Variants in FBN1 observed in about 807,000 individuals in gnomAD.
FBN1 encodes the protein fibrillin-1.
Under a neutral mutation model 365.1 loss-of-function variants are expected in FBN1, and 29 were observed. The observed-to-expected ratio is 0.08, with a 90% CI of 0.06 to 0.11. FBN1 has a LOEUF of 0.11. FBN1 is among the 10% of genes least tolerant of loss of function. The probability of loss-of-function intolerance (pLI) is 1.00; values close to 1 mark genes in which losing one functional copy is unlikely to be tolerated. For missense variants in FBN1, 2,476 were observed against 3,703.2 expected, an observed-to-expected ratio of 0.67 and a Z score of 8.60; for synonymous variants, 1,210 against 1,270.5, an observed-to-expected ratio of 0.95 and a Z score of 1.01.
chr15:48,437,272 G>T, intron 52 of FBN1, 50 bp downstream of exon 52: 1 of 1,512,684 alleles, frequency 6.6e-7, no homozygotes, highest in Non-Finnish European at 9.2e-7. Flanking sequence ...TAGAGAAGAA[G>T]CAGATTGAGA....
intron 60 of FBN1, among the ~76,000 whole-genome samples, chr15:48,422,711 C>T (rs2042952883): frequency 6.6e-6 from 1 of 152,224 alleles, no homozygotes; most frequent in South Asian, 2.1e-4. Context: ...GTATTCCCAG[C>T]ACTTTGGGAG....
At position 48,610,485 on chromosome 15, in the gene FBN1, C is replaced by T. The variant is rs145949080; in HGVS notation, c.346+243G>A. 7.9e-4 allele frequency among the ~76,000 whole-genome samples: 120 copies of T among 152,188 alleles called. 1 individual carries two copies. Among genetic ancestry groups the T allele is most frequent in the African/African-American group, 2.9e-3 (119 of 41,524 alleles). ...ATAAGGCGATACCTACATAAAAGGC[C>T]ATAAGCTTTATACTATTCATAGTAA... On this transcript the variant is annotated intron_variant, in intron 4 of 65. Coordinates refer to ENST00000316623, the MANE Select transcript of FBN1 (RefSeq NM_000138.5).
At chr15:48,419,156 A>T (rs1597511708) in intron 63 of FBN1, among the ~76,000 whole-genome samples, 2 of 152,266 alleles carry the variant, frequency 1.3e-5, no homozygotes, top group Middle Eastern at 6.8e-3. Context: ...GATGAGAGCA[A>T]TTTGGCATTT....
chr15:48,555,901 C>CT (rs1482548926), intron 6 of FBN1, among the ~76,000 whole-genome samples: 1 of 152,146 alleles, frequency 6.6e-6, no homozygotes, highest in Non-Finnish European at 1.5e-5. Context: ...AATAAATAGG[C>CT]TTTTGCCTTC....
chr15:48,518,676 C>T (rs993483190), intron 10 of FBN1, among the ~76,000 whole-genome samples: 3 of 152,128 alleles, frequency 2.0e-5, no homozygotes, highest in South Asian at 2.1e-4. Flanking sequence ...GGATCAGCAA[C>T]GTGGGGCTAA....
intron 31 of FBN1, among the ~76,000 whole-genome samples, chr15:48,482,077 G>C (rs1460465323): frequency 6.6e-6 from 1 of 152,104 alleles, no homozygotes; most frequent in Non-Finnish European, 1.5e-5. Context: ...AAACTTTTTA[G>C]AACAGCATAC....
chr15:48,482,690 T>A (rs1441860057), intron 31 of FBN1, among the ~76,000 whole-genome samples: 2 of 152,124 alleles, frequency 1.3e-5, no homozygotes, highest in Non-Finnish European at 2.9e-5. Flanking sequence ...ATGCCAGAGA[T>A]TTGCTAAGAG....
intron 53 of FBN1, among the ~76,000 whole-genome samples, chr15:48,435,204 A>C (rs1188036555): frequency 1.3e-5 from 2 of 152,168 alleles, no homozygotes; most frequent in African/African-American, 2.4e-5. Flanking sequence ...TGGCAGTGGC[A>C]ATGACAGTGA....
At chr15:48,493,281 G>C (rs1257096249) in intron 23 of FBN1, among the ~76,000 whole-genome samples, 1 of 151,810 alleles carries the variant, frequency 6.6e-6, no homozygotes, top group African/African-American at 2.4e-5. Context: ...TCACCACCAA[G>C]TTAATCAAAA....
At chr15:48,430,575 G>T in intron 56 of FBN1, 96 bp downstream of exon 56, 2 of 1,452,006 alleles carry the variant, frequency 1.4e-6, no homozygotes, top group East Asian at 2.3e-5. Flanking sequence ...AATGGGTCTC[G>T]CCAAGAACAG....
intron 24 of FBN1, among the ~76,000 whole-genome samples, chr15:48,492,147 G>T (rs1469047066): frequency 6.6e-6 from 1 of 152,168 alleles, no homozygotes. Flanking sequence ...TTCCAAATAT[G>T]TGCAAATATT....
chr15:48,578,221 G>A (rs959949675), intron 6 of FBN1, among the ~76,000 whole-genome samples: 1 of 152,120 alleles, frequency 6.6e-6, no homozygotes, highest in Non-Finnish European at 1.5e-5. Context: ...GGAGAAAGTG[G>A]AAAGAAAAAT....
At chr15:48,622,758 T>A (rs1889793826) in intron 2 of FBN1, among the ~76,000 whole-genome samples, 1 of 152,050 alleles carries the variant, frequency 6.6e-6, no homozygotes, top group Non-Finnish European at 1.5e-5. Flanking sequence ...ACCTTCAACT[T>A]CCACCCTCCT....
intron 32 of FBN1, among the ~76,000 whole-genome samples, chr15:48,480,670 A>C (rs1344936868): frequency 6.6e-6 from 1 of 152,160 alleles, no homozygotes; most frequent in Non-Finnish European, 1.5e-5. Flanking sequence ...TGTTTTCTTG[A>C]AATATGTTGA....
At chr15:48,503,203 C>T (rs2043676411) in intron 17 of FBN1, among the ~76,000 whole-genome samples, 2 of 148,728 alleles carry the variant, frequency 1.3e-5, no homozygotes, top group Non-Finnish European at 3.0e-5. Flanking sequence ...GAGTTTGAGG[C>T]AGAGAATCAC....
intron 8 of FBN1, among the ~76,000 whole-genome samples, chr15:48,530,560 A>AT (rs61523435): frequency 0.14 from 21,202 of 146,776 alleles, 1,681 homozygotes; most frequent in East Asian, 0.35. Flanking sequence ...CACCGCAGAG[A>AT]TTTTTTTTTT....
Position 48,644,890 on chromosome 15 carries a change from C to G in FBN1, c.-121G>C. 9.9e-7 allele frequency: 1 copy of G among 1,008,988 alleles called. No homozygotes were observed. The highest frequency in any genetic ancestry group is 1.3e-6 in the Non-Finnish European group (1 of 783,150). 62.5% of individuals were successfully genotyped at this position (1,008,988 alleles called of 1,614,324 possible). ...GTCCCGCTATCCCGCCGCCCGTCCC[C>G]CGGGCCGGGCTCCTCCCGCCTTCTC... On this transcript the variant is annotated 5_prime_UTR_variant, in exon 2 of 66. Coordinates refer to ENST00000316623, the MANE Select transcript of FBN1 (RefSeq NM_000138.5).
intron 2 of FBN1, among the ~76,000 whole-genome samples, chr15:48,625,723 C>T (rs541920096): frequency 2.9e-4 from 44 of 152,334 alleles, no homozygotes; most frequent in African/African-American, 1.1e-3. Context: ...GCACGAGTGG[C>T]TTACACGTGA....
chr15:48,584,332 T>A (rs1368499041), intron 6 of FBN1, among the ~76,000 whole-genome samples: 1 of 152,102 alleles, frequency 6.6e-6, no homozygotes, highest in Non-Finnish European at 1.5e-5. Context: ...AGAGCGTGAG[T>A]TCGTGATCAG....
Sources: allele counts gnomAD v4.1 joint callset (sites outside exome capture counted in the v4.1 genomes callset), GRCh38; gene constraint gnomAD v4.1.1; transcripts MANE v1.5; gene names NCBI Gene and HGNC (gene_info 2026-07-23, HGNC 2026-07-21).